TM7SF3: variants seen among roughly 807,000 people sequenced by gnomAD.
TM7SF3 encodes transmembrane 7 superfamily member 3, also known as seven span transmembrane protein.
Under a neutral mutation model 65.5 loss-of-function variants are expected in TM7SF3, and 60 were observed. The ratio of observed to expected loss-of-function variants is 0.92; its 90% confidence interval spans 0.74 to 1.14. TM7SF3 has a LOEUF of 1.14. TM7SF3 is among the 50% of genes most tolerant of loss of function. The pLI is 0.00. For missense variants in TM7SF3, 623 were observed against 684.8 expected (o/e 0.91, Z 1.01); for synonymous variants, 264 against 259.6 (o/e 1.02, Z -0.16).
In TM7SF3 at chr12:26,971,801, T is replaced by C. The variant is rs1399378490; in HGVS notation, c.*2164A>G. On this transcript the variant is annotated 3_prime_UTR_variant, in exon 12 of 12. Transcript: ENST00000343028. The stretch of plus-strand genomic sequence containing the variant: ...TTTAAAACTTTTCATCAAGTTTCAG[T>C]GTTACTGAAGTTAATTATAGACAGT... 1.3e-5 allele frequency: 2 copies of C among 152,214 alleles called. No homozygotes were observed. Among genetic ancestry groups the C allele is most frequent in the African/African-American group, 4.8e-5 (2 of 41,456 alleles). The allele number at this position is 152,214 out of a possible 1,614,324, so 9.4% of individuals were successfully genotyped here.
chr12:27,011,095 C>T (rs1035495579), intron 1 of TM7SF3, among the ~76,000 whole-genome samples: 5 of 152,222 alleles, frequency 3.3e-5, no homozygotes, highest in Non-Finnish European at 7.3e-5. Flanking sequence ...TCAACCGCCC[C>T]TCCCAATTTC....
chr12:26,980,850 G>C (rs2136384427), intron 7 of TM7SF3, among the ~76,000 whole-genome samples: 1 of 152,206 alleles, frequency 6.6e-6, no homozygotes, highest in South Asian at 2.1e-4. Context: ...TTATTAAACA[G>C]ATACAATATT....
Position 27,000,835 on chromosome 12 carries a change from A to C in TM7SF3, c.247-1159T>G, listed in dbSNP as rs183484424. 2.6e-5 allele frequency among the ~76,000 whole-genome samples: 4 copies of C among 152,220 alleles called. 1 individual carries two copies. The highest frequency in any genetic ancestry group is 9.6e-5 in the African/African-American group (4 of 41,530). ...CACAATCAAAATAGCAAATGTATGC[A>C]TCACCCCAAGTTTCCTTGTGCCCCT... is the stretch of plus-strand genomic sequence containing the variant. On this transcript the variant is annotated intron_variant, in intron 2 of 11. Transcript: ENST00000343028.
chr12:26,974,229 T>TA lies in TM7SF3; in HGVS notation c.1451-3dup, dbSNP rs775680523. 1.1e-5 allele frequency: 18 copies of TA among 1,611,622 alleles called. No individual in the cohort carries two copies. The highest frequency in any genetic ancestry group is 2.2e-5 in the East Asian group (1 of 44,850). On this transcript the variant is annotated splice_region_variant and splice_polypyrimidine_tract_variant and intron_variant, in intron 11 of 11. Coordinates refer to ENST00000343028, the MANE Select transcript of TM7SF3 (RefSeq NM_016551.3). ...CCCATACTGCCAGGATAATGAAGTC[T>TA]AAAAAACAGTAGAAAAAGTACAGTT...
intron 7 of TM7SF3, among the ~76,000 whole-genome samples, chr12:26,982,275 G>A (rs1207933968): frequency 6.6e-6 from 1 of 152,130 alleles, no homozygotes; most frequent in East Asian, 1.9e-4. Flanking sequence ...AGCTCAAGCA[G>A]TCTGCCTGCC....
chr12:26,999,417 A>G (rs1940738304), intron 3 of TM7SF3, 109 bp downstream of exon 3: 1 of 1,235,910 alleles, frequency 8.1e-7, no homozygotes, highest in African/African-American at 1.5e-5. Flanking sequence ...ATCCGATTAT[A>G]TAAATTATAC....
intron 5 of TM7SF3, among the ~76,000 whole-genome samples, chr12:26,992,503 C>T (rs541646763): frequency 1.1e-4 from 16 of 152,206 alleles, no homozygotes; most frequent in Non-Finnish European, 1.5e-4. Flanking sequence ...CCAGGATGGG[C>T]TCGATCTCCT....
chr12:26,992,315 G>T (rs1940402832), intron 5 of TM7SF3, among the ~76,000 whole-genome samples: 1 of 152,010 alleles, frequency 6.6e-6, no homozygotes, highest in Non-Finnish European at 1.5e-5. Flanking sequence ...TCGCTCTGTT[G>T]CCCAGGCTGG....
At chr12:27,005,788 G>C (rs59605249) in intron 1 of TM7SF3, among the ~76,000 whole-genome samples, 18,064 of 151,998 alleles carry the variant, frequency 0.12, 1,348 homozygotes, top group Non-Finnish European at 0.17. Context: ...GTATCTCTTG[G>C]AGTATATTTT....
chr12:26,984,911 T>C (rs1939976379), intron 6 of TM7SF3, among the ~76,000 whole-genome samples: 1 of 152,198 alleles, frequency 6.6e-6, no homozygotes, highest in South Asian at 2.1e-4. Context: ...CTAAGGGTTA[T>C]GAACCACAGG....
chr12:27,010,282 T>C (rs778164577), intron 1 of TM7SF3, among the ~76,000 whole-genome samples: 6 of 152,146 alleles, frequency 3.9e-5, no homozygotes, highest in Non-Finnish European at 7.3e-5. Flanking sequence ...CATCTCCTTA[T>C]TGAAAGAAAA....
chr12:27,013,047 T>A (rs1304965473), intron 1 of TM7SF3: 1 of 191,220 alleles, frequency 5.2e-6, no homozygotes, highest in Non-Finnish European at 1.1e-5. Flanking sequence ...GGTGTACTCA[T>A]AGGGAGCCAA....
chr12:26,983,454 G>T (rs1939904060), intron 6 of TM7SF3: 1 of 398,884 alleles, frequency 2.5e-6, no homozygotes, highest in Non-Finnish European at 5.1e-6. Context: ...TGACACGGTG[G>T]TTCTATTTTT....
chr12:26,985,770 T>C (rs532696028), intron 6 of TM7SF3, among the ~76,000 whole-genome samples: 1 of 141,624 alleles, frequency 7.1e-6, no homozygotes, highest in East Asian at 2.0e-4. Context: ...GACTGAGTGG[T>C]GACAAAGAGC....
chr12:26,999,491 A>G (rs750330716), intron 3 of TM7SF3, 35 bp downstream of exon 3: 11 of 1,601,626 alleles, frequency 6.9e-6, no homozygotes, highest in East Asian at 2.2e-5. Flanking sequence ...TCCATATTCC[A>G]AAGAGTAAGA....
chr12:26,975,541 T>C lies in TM7SF3; in HGVS notation c.1405A>G (p.Lys469Glu), dbSNP rs968877666. 2.5e-6 allele frequency: 4 copies of C among 1,614,046 alleles called. No individual in the cohort carries two copies. Among genetic ancestry groups the C allele is most frequent in the Admixed American group, 1.7e-5 (1 of 59,996 alleles). The change falls in exon 11 of 12, where the codon AAG (lysine) becomes GAG (glutamate). Residue 469 changes from lysine to glutamate, a missense_variant. Physicochemically the swap from Lys to Glu is moderately conservative, Grantham distance 56. Transcript: ENST00000343028. ...TTTGTGAAAGCTCTGTGGAAATCCT[T>C]GTTGAGCGCTCTCTTGAGTACGTTC... Reference protein sequence around the residue: ...TLNVLKRALNKDFHRAFTNVP... With the variant: ...TLNVLKRALNEDFHRAFTNVP...
intron 2 of TM7SF3, among the ~76,000 whole-genome samples, chr12:27,001,327 T>C (rs1940823372): frequency 6.6e-6 from 1 of 152,212 alleles, no homozygotes; most frequent in South Asian, 2.1e-4. Context: ...TGCTGCCAGC[T>C]AGGTCTGTTT....
chr12:27,000,739 G>C (rs191243523), intron 2 of TM7SF3, among the ~76,000 whole-genome samples: 17 of 152,096 alleles, frequency 1.1e-4, no homozygotes, highest in Non-Finnish European at 1.2e-4. Flanking sequence ...GATTACAGGC[G>C]TGAGCCACCG....
chr12:27,001,294 T>G (rs1940821748), intron 2 of TM7SF3, among the ~76,000 whole-genome samples: 1 of 152,236 alleles, frequency 6.6e-6, no homozygotes, highest in African/African-American at 2.4e-5. Flanking sequence ...AGACCCTTTC[T>G]GCATAGAAAT....
Sources: gnomAD v4.1 joint callset for allele counts (sites outside exome capture counted in the v4.1 genomes callset) on GRCh38, gnomAD v4.1.1 for gene constraint, MANE v1.5 for transcripts, NCBI Gene and HGNC (gene_info 2026-07-23, HGNC 2026-07-21) for gene names.